The following CFAP161 variants were observed in gnomAD, a reference collection of about 807,000 sequenced individuals.
CFAP161 encodes cilia- and flagella-associated protein 161.
Under a neutral mutation model 29.0 loss-of-function variants are expected in CFAP161, and 25 were observed. That is an observed-to-expected ratio of 0.86 (90% CI 0.63 to 1.20). The LOEUF (loss-of-function observed/expected upper bound fraction) is 1.20. Among genes scored for constraint, CFAP161 ranks in the 50% most tolerant of loss-of-function variants. The pLI, the probability that CFAP161 is intolerant of heterozygous loss-of-function variation, is 0.00. For missense variants in CFAP161, 367 were observed against 371.9 expected (o/e 0.99, Z 0.11); for synonymous variants, 116 against 137.4 (o/e 0.84, Z 1.09).
chr15:81,111,950 C>G (rs1324372605), intron 1 of CFAP161, among the ~76,000 whole-genome samples: 4 of 152,180 alleles, frequency 2.6e-5, no homozygotes, highest in African/African-American at 9.7e-5. Context: ...ATTTATAGTG[C>G]AGGCCATTAA....
At chr15:81,142,228 T>TTCAGACCATAC (rs1894922583) in intron 4 of CFAP161, among the ~76,000 whole-genome samples, 1 of 152,122 alleles carries the variant, frequency 6.6e-6, no homozygotes, top group Non-Finnish European at 1.5e-5. Context: ...CTATCCTGAC[T>TTCAGACCATAC]TCAGACCATA....
chr15:81,139,049 C>T (rs1894860772), intron 4 of CFAP161, among the ~76,000 whole-genome samples: 1 of 152,152 alleles, frequency 6.6e-6, no homozygotes. Flanking sequence ...TGCCTGTAAT[C>T]TCAGCACTTT....
chr15:81,134,433 T>C, intron 1 of CFAP161, 35 bp downstream of exon 1: 1 of 1,559,404 alleles, frequency 6.4e-7, no homozygotes, highest in Non-Finnish European at 8.7e-7. Context: ...GACCCGCAGC[T>C]CAGGAACTCC....
chr15:81,112,101 C>T (rs186186992), intron 1 of CFAP161, among the ~76,000 whole-genome samples: 1 of 152,210 alleles, frequency 6.6e-6, no homozygotes, highest in East Asian at 1.9e-4. Context: ...CCGAGAGTTA[C>T]CAGTAATATC....
At chr15:81,110,929 T>C (rs1368411274) in intron 1 of CFAP161, among the ~76,000 whole-genome samples, 1 of 152,076 alleles carries the variant, frequency 6.6e-6, no homozygotes, top group South Asian at 2.1e-4. Flanking sequence ...AAGGCAAAAA[T>C]AGATGGAGAC....
At chr15:81,102,387 G>A (rs548618685) in intron 1 of CFAP161, among the ~76,000 whole-genome samples, 1 of 152,290 alleles carries the variant, frequency 6.6e-6, no homozygotes, top group South Asian at 2.1e-4. Flanking sequence ...GGGTCACAGG[G>A]CCCAGTGCTG....
At chr15:81,106,589 A>G (rs1894375819) in intron 1 of CFAP161, among the ~76,000 whole-genome samples, 1 of 152,248 alleles carries the variant, frequency 6.6e-6, no homozygotes, top group African/African-American at 2.4e-5. Flanking sequence ...TTCTGAACTG[A>G]GCCTGGAGAA....
intron 1 of CFAP161, among the ~76,000 whole-genome samples, chr15:81,124,567 G>A (rs1894616797): frequency 6.6e-6 from 1 of 152,100 alleles, no homozygotes; most frequent in Admixed American, 6.5e-5. Flanking sequence ...TAATTTTTTG[G>A]AATAGTTTCC....
intron 3 of CFAP161, among the ~76,000 whole-genome samples, chr15:81,137,043 ATT>A (rs1458627352): frequency 6.6e-6 from 1 of 151,858 alleles, no homozygotes; most frequent in African/African-American, 2.4e-5. Flanking sequence ...TCCCTATAAC[ATT>A]TTGGAACTTT....
chr15:81,118,586 C>T (rs1894530388), intron 1 of CFAP161, among the ~76,000 whole-genome samples: 1 of 152,212 alleles, frequency 6.6e-6, no homozygotes, highest in Non-Finnish European at 1.5e-5. Context: ...GGGGGGCTCG[C>T]GGTGGCGGGC....
upstream of CFAP161, among the ~76,000 whole-genome samples, chr15:81,130,124 T>C (rs117214581): frequency 4.3e-3 from 650 of 152,326 alleles, 3 homozygotes; most frequent in Admixed American, 8.7e-3. Flanking sequence ...TCAGTCTTTA[T>C]AGACTTGAAA....
At chr15:81,113,074 A>G (rs1223145017) in intron 1 of CFAP161, among the ~76,000 whole-genome samples, 1 of 152,240 alleles carries the variant, frequency 6.6e-6, no homozygotes, top group East Asian at 1.9e-4. Context: ...TAAAAGGAGA[A>G]TTTAAAAAAT....
intron 1 of CFAP161, among the ~76,000 whole-genome samples, chr15:81,134,614 TTTC>T (rs1025538420): frequency 5.3e-5 from 8 of 152,076 alleles, no homozygotes; most frequent in Non-Finnish European, 1.0e-4. Flanking sequence ...CACCCTGACT[TTTC>T]TTTCTCTGGG....
At chr15:81,126,071 T>G (rs1595913545) in intron 1 of CFAP161, among the ~76,000 whole-genome samples, 1 of 152,322 alleles carries the variant, frequency 6.6e-6, no homozygotes, top group African/African-American at 2.4e-5. Flanking sequence ...GGTTTCACCA[T>G]GTTGGCAGGC....
intron 1 of CFAP161, among the ~76,000 whole-genome samples, chr15:81,121,072 A>G (rs1286994847): frequency 6.6e-6 from 1 of 152,244 alleles, no homozygotes; most frequent in East Asian, 1.9e-4. Flanking sequence ...AATCTTTAGA[A>G]AAACTTTTAA....
intron 1 of CFAP161, chr15:81,118,062 C>G: frequency 2.0e-6 from 1 of 512,002 alleles, no homozygotes; most frequent in South Asian, 2.0e-5. Flanking sequence ...GACATTCCAA[C>G]TTTTTCAAAG....
At chr15:81,141,051 T>G (rs971336209) in intron 4 of CFAP161, among the ~76,000 whole-genome samples, 1 of 152,266 alleles carries the variant, frequency 6.6e-6, no homozygotes, top group Non-Finnish European at 1.5e-5. Flanking sequence ...ATATAATGGT[T>G]ATTTTTTTCA....
chr15:81,144,437 A>G (rs922364169), intron 5 of CFAP161, among the ~76,000 whole-genome samples: 1 of 152,120 alleles, frequency 6.6e-6, no homozygotes, highest in African/African-American at 2.4e-5. Context: ...CTCTACAAAA[A>G]ATACAAAAAT....
chr15:81,106,973 G>A (rs967768672), intron 1 of CFAP161, among the ~76,000 whole-genome samples: 5 of 152,180 alleles, frequency 3.3e-5, no homozygotes, highest in Admixed American at 2.6e-4. Flanking sequence ...GGCTGAGGTG[G>A]GAGGATTGCT....
Sources: allele counts gnomAD v4.1 joint callset (sites outside exome capture counted in the v4.1 genomes callset), GRCh38; gene constraint gnomAD v4.1.1; transcripts MANE v1.5; gene names NCBI Gene and HGNC (gene_info 2026-07-23, HGNC 2026-07-21).